TRPM3: variants seen among roughly 807,000 people sequenced by gnomAD.
The protein encoded by TRPM3 is long transient receptor potential channel 3.
A neutral mutation model predicts 181.2 loss-of-function variants in TRPM3; 77 were observed. The ratio of observed to expected loss-of-function variants is 0.42; its 90% confidence interval spans 0.35 to 0.51. TRPM3 has a LOEUF of 0.51. TRPM3 is among the 20% of genes least tolerant of loss of function. The pLI, the probability that TRPM3 is intolerant of heterozygous loss-of-function variation, is 0.01. For missense variants in TRPM3, 1,759 were observed against 2,196.7 expected (o/e 0.80, Z 3.98); for synonymous variants, 745 against 796.4 (o/e 0.94, Z 1.09).
intron 1 of TRPM3, among the ~76,000 whole-genome samples, chr9:70,956,293 C>A (rs1175434725): frequency 3.8e-5 from 4 of 104,326 alleles, no homozygotes; most frequent in African/African-American, 3.7e-5. Context: ...AGGAGAAATA[C>A]ACCTTTTTTT....
At chr9:71,286,087 C>T (rs1023123861) in intron 1 of TRPM3, among the ~76,000 whole-genome samples, 2 of 152,144 alleles carry the variant, frequency 1.3e-5, no homozygotes, top group African/African-American at 4.8e-5. Context: ...AAGGGCTCCA[C>T]ATCTGTTTGA....
intron 8 of TRPM3, among the ~76,000 whole-genome samples, chr9:70,759,113 C>T (rs1446578671): frequency 6.6e-6 from 1 of 151,882 alleles, no homozygotes; most frequent in African/African-American, 2.4e-5. Flanking sequence ...AGAATCTATA[C>T]AAAACTTAAA....
At chr9:71,156,376 GACACACACACACACACACACAC>G (rs71507025) in intron 1 of TRPM3, among the ~76,000 whole-genome samples, 1 of 138,372 alleles carries the variant, frequency 7.2e-6, no homozygotes, top group African/African-American at 2.7e-5. Context: ...ATATACTACA[GACACACACACACACACACACAC>G]ACACACACAC....
At chr9:71,103,173 C>T (rs948743391) in intron 1 of TRPM3, among the ~76,000 whole-genome samples, 1 of 152,258 alleles carries the variant, frequency 6.6e-6, no homozygotes, top group Middle Eastern at 3.4e-3. Context: ...AAATTACATG[C>T]TGAATTGCAG....
chr9:71,435,894 A>C (rs2094026219), intron 1 of TRPM3, among the ~76,000 whole-genome samples: 1 of 152,186 alleles, frequency 6.6e-6, no homozygotes, highest in African/African-American at 2.4e-5. Context: ...GGAGAATCAG[A>C]AAAAGCAATG....
intron 1 of TRPM3, among the ~76,000 whole-genome samples, chr9:71,349,903 T>C (rs1184097377): frequency 1.3e-5 from 2 of 151,254 alleles, no homozygotes; most frequent in Non-Finnish European, 2.9e-5. Flanking sequence ...TCCATCATAA[T>C]AGTGTTCTCA....
chr9:71,144,554 T>C (rs1236523154), intron 1 of TRPM3, among the ~76,000 whole-genome samples: 1 of 152,200 alleles, frequency 6.6e-6, no homozygotes, highest in Non-Finnish European at 1.5e-5. Context: ...TTTTCCCTCA[T>C]ATGGGTCAAT....
intron 20 of TRPM3, among the ~76,000 whole-genome samples, chr9:70,600,743 G>A (rs2059762324): frequency 1.3e-5 from 2 of 152,144 alleles, no homozygotes; most frequent in Non-Finnish European, 2.9e-5. Context: ...CTCACTCCCT[G>A]GCTGCATCTT....
At chr9:71,235,062 C>T (rs75903787) in intron 1 of TRPM3, among the ~76,000 whole-genome samples, 5,914 of 152,316 alleles carry the variant, frequency 0.039, 182 homozygotes, top group Middle Eastern at 0.068. Flanking sequence ...CCAACCTATG[C>T]GCCAACCATG....
At chr9:71,181,536 C>A (rs1427085234) in intron 1 of TRPM3, among the ~76,000 whole-genome samples, 5 of 151,892 alleles carry the variant, frequency 3.3e-5, no homozygotes, top group Non-Finnish European at 7.4e-5. Context: ...ATGCATGACG[C>A]CTACTAAACA....
intron 1 of TRPM3, among the ~76,000 whole-genome samples, chr9:70,896,155 T>C (rs958924670): frequency 6.6e-6 from 1 of 152,150 alleles, no homozygotes; most frequent in South Asian, 2.1e-4. Flanking sequence ...ACAGTAACAA[T>C]TCATAAAAAT....
Position 70,737,996 on chromosome 9 carries a change from T to A in TRPM3, c.1272+23605A>T, listed in dbSNP as rs13292536. The stretch of plus-strand genomic sequence containing the variant: ...AGAAAGGCAACAAAGAAACGATGGA[T>A]TTAAACTATGTCTTAGAACAAATGG... On this transcript the variant is annotated intron_variant, in intron 8 of 25. Transcript: ENST00000677713. Among the ~76,000 whole-genome samples the A allele has an allele frequency of 7.2e-3, 1,098 of 152,194 alleles. 10 individuals are homozygous for A. Among genetic ancestry groups the A allele is most frequent in the Middle Eastern group, 0.017 (5 of 294 alleles).
rs2079125951 is a variant in TRPM3 at position 71,206,424 on chromosome 9, C to T, written c.183+240229G>A. Among the ~76,000 whole-genome samples, 4 of 151,978 alleles carry T rather than the reference C, an allele frequency of 2.6e-5. No individual in the cohort carries two copies. The South Asian group carries it at 8.3e-4, about 32-fold the overall frequency. On this transcript the variant is annotated intron_variant, in intron 1 of 24. Transcript: ENST00000357533. ...AAAAGTTTCTGTTCATATCCTTCACCCACTTTTTGATGGGTTTTTTTTTCT... is the reference window on the plus strand; with the variant it reads ...AAAAGTTTCTGTTCATATCCTTCACTCACTTTTTGATGGGTTTTTTTTTCT...
At chr9:71,406,289 C>T (rs375202744) in intron 1 of TRPM3, among the ~76,000 whole-genome samples, 4 of 152,156 alleles carry the variant, frequency 2.6e-5, no homozygotes, top group East Asian at 1.9e-4. Flanking sequence ...AAAAGGAACA[C>T]GGCAGAGTCT....
rs3073513 is a variant in TRPM3 at position 70,657,198 on chromosome 9, T to TA, written c.1346-16539dup. ...GTCTTTCTACACATTGGGCTTGAGG[T>TA]AAAAAAAAAAAAAAAAAAAAGCTTG... On this transcript the variant is annotated intron_variant, in intron 9 of 25. Transcript: ENST00000677713. 8.1e-3 allele frequency among the ~76,000 whole-genome samples: 956 copies of TA among 117,600 alleles called. 8 individuals are homozygous for TA. The highest frequency in any genetic ancestry group is 0.019 in the Middle Eastern group (4 of 212). The allele number at this position is 117,600 out of a possible 152,430, so 77.2% of individuals were successfully genotyped here. A position where few individuals can be genotyped will look rare whatever the true frequency, so the allele number is the denominator to read the frequency against.
chr9:70,635,066 C>T, intron 12 of TRPM3, 145 bp downstream of exon 12: 1 of 620,302 alleles, frequency 1.6e-6, no homozygotes, highest in Non-Finnish European at 2.8e-6. Flanking sequence ...CACATACACA[C>T]ACACACACAC....
At chr9:71,298,546 A>G (rs2086494105) in intron 1 of TRPM3, among the ~76,000 whole-genome samples, 1 of 152,104 alleles carries the variant, frequency 6.6e-6, no homozygotes, top group Admixed American at 6.6e-5. Context: ...TATATAATCA[A>G]TATGGTACTT....
intron 1 of TRPM3, among the ~76,000 whole-genome samples, chr9:70,959,822 A>C (rs1444838818): frequency 6.6e-6 from 1 of 152,126 alleles, no homozygotes; most frequent in Non-Finnish European, 1.5e-5. Flanking sequence ...CAACGTTATA[A>C]TTTTCTCTTC....
At chr9:70,913,703 A>G (rs773244375) in intron 1 of TRPM3, among the ~76,000 whole-genome samples, 1 of 152,120 alleles carries the variant, frequency 6.6e-6, no homozygotes, top group Non-Finnish European at 1.5e-5. Context: ...GACTTGACTA[A>G]TGGATGAATT....
Sources: gnomAD v4.1 joint callset for allele counts (sites outside exome capture counted in the v4.1 genomes callset) on GRCh38, gnomAD v4.1.1 for gene constraint, MANE v1.5 for transcripts, NCBI Gene and HGNC (gene_info 2026-07-23, HGNC 2026-07-21) for gene names.